The following DHX57 variants were observed in gnomAD, a reference collection of about 807,000 sequenced individuals.
The protein encoded by DHX57 is DExH-box helicase 57.
A neutral mutation model predicts 156.2 loss-of-function variants in DHX57; 105 were observed. The ratio of observed to expected loss-of-function variants is 0.67; its 90% confidence interval spans 0.57 to 0.79. The LOEUF is 0.79. DHX57 is among the 30% of genes least tolerant of loss of function. The pLI, the probability that DHX57 is intolerant of heterozygous loss-of-function variation, is 0.00. For synonymous variants in DHX57, 704 were observed against 595.6 expected, an observed-to-expected ratio of 1.18 and a Z score of -2.65; for missense variants, 1,847 against 1,661.9, an observed-to-expected ratio of 1.11 and a Z score of -1.94.
intron 8 of DHX57, 73 bp from the exon 9 acceptor site, chr2:38,854,251 T>A (rs1362859764): frequency 5.4e-6 from 8 of 1,487,680 alleles, no homozygotes; most frequent in Non-Finnish European, 7.3e-6. Flanking sequence ...GAAAGCCATT[T>A]TGAATGGATA....
intron 1 of DHX57, among the ~76,000 whole-genome samples, chr2:38,874,409 T>C (rs1204523907): frequency 7.5e-6 from 1 of 134,112 alleles, no homozygotes. Flanking sequence ...GTATTTTTTT[T>C]TTTTTTTTTT....
intron 13 of DHX57, among the ~76,000 whole-genome samples, chr2:38,833,262 C>T (rs913354250): frequency 6.6e-6 from 1 of 152,092 alleles, no homozygotes; most frequent in African/African-American, 2.4e-5. Context: ...CCTGCCTCAG[C>T]CTCCTGTGTA....
chr2:38,813,906 A>G lies in DHX57; in HGVS notation c.3607-11T>C, dbSNP rs1233046938. ...AGCATTTGAGTTTGCCTATGAGAAA[A>G]GCACAGCATTAATTAACAAGTGATA... is the stretch of plus-strand genomic sequence containing the variant. On this transcript the variant is annotated splice_polypyrimidine_tract_variant and intron_variant, in intron 20 of 23. Coordinates refer to ENST00000457308, the MANE Select transcript of DHX57 (RefSeq NM_198963.3). 1 of 1,612,444 alleles carries G rather than the reference A, an allele frequency of 6.2e-7. No homozygotes were observed. The highest frequency in any genetic ancestry group is 1.1e-5 in the South Asian group (1 of 91,060).
At chr2:38,839,564 A>G (rs893142571) in intron 12 of DHX57, among the ~76,000 whole-genome samples, 3 of 151,464 alleles carry the variant, frequency 2.0e-5, no homozygotes, top group African/African-American at 7.3e-5. Flanking sequence ...ATACAAAAAA[A>G]AAAAAAATTA....
chr2:38,861,716 T>G lies in DHX57; in HGVS notation c.694A>C (p.Ile232Leu). 1 of 1,614,172 alleles carries G rather than the reference T, an allele frequency of 6.2e-7. No individual in the cohort carries two copies. The highest frequency in any genetic ancestry group is 8.5e-7 in the Non-Finnish European group (1 of 1,180,024). ...FSETFGERMK[I>L]SEAVNQISLD... ...CTTATCTGGTTGACTGCCTCAGAGA[T>G]CTTCATCCTCTCTCCAAATGTCTCT... Residue 232 changes from isoleucine (I) to leucine (L), a missense_variant, in exon 5 of 24, where the codon ATC (isoleucine) becomes CTC (leucine). Coordinates refer to ENST00000457308, the MANE Select transcript of DHX57 (RefSeq NM_198963.3).
intron 16 of DHX57, among the ~76,000 whole-genome samples, chr2:38,823,777 C>T (rs1419982652): frequency 2.0e-5 from 3 of 152,046 alleles, no homozygotes; most frequent in African/African-American, 4.8e-5. Context: ...TTTGGGAGGC[C>T]GAGGTAGGTG....
intron 1 of DHX57, among the ~76,000 whole-genome samples, chr2:38,872,513 T>C (rs919216606): frequency 6.6e-6 from 1 of 152,066 alleles, no homozygotes; most frequent in African/African-American, 2.4e-5. Context: ...AAAGACACAA[T>C]AAATGAAAAG....
chr2:38,798,278 A>T lies in DHX57; in HGVS notation c.*21T>A. The T allele has an allele frequency of 6.2e-7, 1 of 1,601,122 alleles. No individual in the cohort carries two copies. The highest frequency in any genetic ancestry group is 2.2e-5 in the East Asian group (1 of 44,776). The stretch of plus-strand genomic sequence containing the variant: ...GTGAGCTAGAAGCAGGTGAGTAGCA[A>T]GCACTCTCTAAGACTGCTTTTTATT... On this transcript the variant is annotated 3_prime_UTR_variant, in exon 24 of 24. Transcript: ENST00000457308.
intron 12 of DHX57, among the ~76,000 whole-genome samples, chr2:38,838,392 C>T (rs1671799170): frequency 6.6e-6 from 1 of 152,178 alleles, no homozygotes; most frequent in African/African-American, 2.4e-5. Flanking sequence ...CCACAACCAG[C>T]CCACTTTTTT....
At position 38,834,280 on chromosome 2, in the gene DHX57, G is replaced by A. The variant is rs1029442271; in HGVS notation, c.2542+3551C>T. Among the ~76,000 whole-genome samples the A allele has an allele frequency of 1.8e-4, 25 of 137,732 alleles. No homozygotes were observed. The East Asian group carries it at 1.9e-3, about 11-fold the overall frequency. 90.4% of individuals were successfully genotyped at this position (137,732 alleles called of 152,430 possible). On this transcript the variant is annotated intron_variant, in intron 13 of 23. Coordinates refer to ENST00000457308, the MANE Select transcript of DHX57 (RefSeq NM_198963.3). Reference sequence around the variant, plus strand: ...TGGGAAGCGGAGGTTGCGGTGAGCCGAGATCACACCATTGCACTCCAGCCT... The same window carrying A: ...TGGGAAGCGGAGGTTGCGGTGAGCCAAGATCACACCATTGCACTCCAGCCT...
At chr2:38,838,030 T>C in intron 12 of DHX57, 83 bp from the exon 13 acceptor site, 1 of 853,978 alleles carries the variant, frequency 1.2e-6, no homozygotes, top group South Asian at 1.5e-5. Context: ...ATATACAATA[T>C]GCCTGTGAAT....
At chr2:38,866,028 G>A (rs1252094239) in intron 2 of DHX57, among the ~76,000 whole-genome samples, 3 of 152,110 alleles carry the variant, frequency 2.0e-5, no homozygotes, top group East Asian at 1.9e-4. Flanking sequence ...AGCAAAATCC[G>A]GTCCATGTTC....
intron 13 of DHX57, among the ~76,000 whole-genome samples, chr2:38,829,168 C>A (rs1181221353): frequency 2.0e-5 from 3 of 152,132 alleles, no homozygotes; most frequent in Admixed American, 1.3e-4. Flanking sequence ...GTCTCAAACT[C>A]CTGGACTCAA....
chr2:38,834,663 T>A (rs1671561994), intron 13 of DHX57, among the ~76,000 whole-genome samples: 1 of 152,180 alleles, frequency 6.6e-6, no homozygotes, highest in South Asian at 2.1e-4. Flanking sequence ...AGTGATGCTG[T>A]AAGTACTCCC....
At chr2:38,811,314 T>C (rs1329064902) in intron 21 of DHX57, 2 of 524,884 alleles carry the variant, frequency 3.8e-6, no homozygotes, top group Non-Finnish European at 7.6e-6. Flanking sequence ...TCGTTCCCCT[T>C]TCCCATGGCA....
intron 13 of DHX57, among the ~76,000 whole-genome samples, chr2:38,835,969 C>T (rs950617000): frequency 1.3e-5 from 2 of 152,170 alleles, no homozygotes; most frequent in Non-Finnish European, 2.9e-5. Flanking sequence ...GGGGAATTAA[C>T]AGAAGATGAC....
In DHX57 at chr2:38,868,311, T is replaced by C. The variant is rs1470599243; in HGVS notation, c.95A>G (p.Lys32Arg). ...GGRGGRSHAS[K>R]SHGSGGGGGG... ...GCCACCGCCACCACTCCCATGAGAT[T>C]TACTGGCGTGACTCCTGCCTCCTCT... Residue 32 changes from lysine to arginine, a missense_variant, in exon 2 of 24, where the codon AAA becomes AGA. Lys to Arg is a conservative substitution (Grantham distance 26). Transcript: ENST00000457308. The C allele has an allele frequency of 3.1e-6, 5 of 1,614,004 alleles. No homozygotes were observed. The highest frequency in any genetic ancestry group is 4.2e-6 in the Non-Finnish European group (5 of 1,180,026).
At chr2:38,801,500 C>A (rs1410263027) in intron 23 of DHX57, among the ~76,000 whole-genome samples, 1 of 152,212 alleles carries the variant, frequency 6.6e-6, no homozygotes, top group African/African-American at 2.4e-5. Flanking sequence ...ACCTCTGCCT[C>A]CTGGGTTCAA....
chr2:38,859,165 T>C (rs1016880912), intron 5 of DHX57, among the ~76,000 whole-genome samples: 11 of 152,218 alleles, frequency 7.2e-5, no homozygotes, highest in African/African-American at 2.4e-4. Context: ...CAAAATGTGG[T>C]ATGTCCACAT....
Sources: allele counts gnomAD v4.1 joint callset (sites outside exome capture counted in the v4.1 genomes callset), GRCh38; gene constraint gnomAD v4.1.1; transcripts MANE v1.5; gene names NCBI Gene and HGNC (gene_info 2026-07-23, HGNC 2026-07-21).